KCNQ5: variants seen among roughly 807,000 people sequenced by gnomAD.
The protein encoded by KCNQ5 is potassium voltage-gated channel subfamily Q member 5, also known as potassium voltage-gated channel subfamily KQT member 5.
Under a neutral mutation model 98.2 loss-of-function variants are expected in KCNQ5, and 30 were observed. The observed-to-expected ratio is 0.31, with a 90% CI of 0.23 to 0.41. KCNQ5 has a LOEUF of 0.41. Ranked by LOEUF, KCNQ5 falls within the 10% of genes least tolerant of loss-of-function variation. KCNQ5 has a pLI of 1.00. For synonymous variants in KCNQ5, 458 were observed against 449.4 expected (o/e 1.02, Z -0.24); for missense variants, 835 against 1,182.5 (o/e 0.71, Z 4.31).
At chr6:73,130,927 G>A (rs1562196847) in intron 9 of KCNQ5, among the ~76,000 whole-genome samples, 1 of 152,142 alleles carries the variant, frequency 6.6e-6, no homozygotes, top group Non-Finnish European at 1.5e-5. Context: ...CATGTAATAT[G>A]CCGAGTTTAT....
intron 3 of KCNQ5, among the ~76,000 whole-genome samples, chr6:73,059,017 G>A (rs1772656804): frequency 6.6e-6 from 1 of 152,138 alleles, no homozygotes; most frequent in African/African-American, 2.4e-5. Flanking sequence ...ATTTCTCAAA[G>A]AACTCAAAAT....
intron 1 of KCNQ5, among the ~76,000 whole-genome samples, chr6:72,684,026 C>A (rs1767831879): frequency 2.0e-5 from 3 of 152,186 alleles, no homozygotes. Context: ...TATCAACACA[C>A]AGGTCTTTTG....
chr6:72,757,202 TG>T (rs1356364154), intron 1 of KCNQ5, among the ~76,000 whole-genome samples: 2 of 152,192 alleles, frequency 1.3e-5, no homozygotes, highest in Non-Finnish European at 2.9e-5. Flanking sequence ...TGTGCTCATA[TG>T]TTAGACCTTT....
intron 2 of KCNQ5, among the ~76,000 whole-genome samples, chr6:73,005,919 A>G (rs747935702): frequency 3.3e-5 from 5 of 152,220 alleles, no homozygotes; most frequent in Non-Finnish European, 7.3e-5. Context: ...ACCTAGAAAT[A>G]TGCAGACTGC....
chr6:73,128,347 T>C (rs1776079973), intron 9 of KCNQ5, among the ~76,000 whole-genome samples: 1 of 152,216 alleles, frequency 6.6e-6, no homozygotes, highest in Non-Finnish European at 1.5e-5. Context: ...TTGATTTCAT[T>C]CTATTAAAAA....
rs187328350 is a variant in KCNQ5 at position 72,928,989 on chromosome 6, G to C, written c.399-74919G>C. ...AGACTCACAAAGCATCCTAAGGCTA[G>C]CTCCAATTCCTTAAGTCATGCGTAT... On this transcript the variant is annotated intron_variant, in intron 1 of 13. Transcript: ENST00000370398. 7.2e-5 allele frequency among the ~76,000 whole-genome samples: 11 copies of C among 152,200 alleles called. No homozygotes were observed. The East Asian group carries it at 2.1e-3, about 29-fold the overall frequency.
chr6:73,035,088 A>G (rs1158709553), intron 2 of KCNQ5, among the ~76,000 whole-genome samples: 2 of 151,792 alleles, frequency 1.3e-5, no homozygotes, highest in Admixed American at 6.6e-5. Flanking sequence ...CTCGTGACCC[A>G]CCCGCCTCGG....
rs532894679 is a variant in KCNQ5 at position 72,792,998 on chromosome 6, T to C, written c.398+170411T>C. ...TAGAATTACCCACCTCCTGGGAGAG[T>C]TTTTTTATGGGTGAGACATTTTCAG... On this transcript the variant is annotated intron_variant, in intron 1 of 13. Transcript: ENST00000370398. Among the ~76,000 whole-genome samples, 5 of 151,954 alleles carry C rather than the reference T, an allele frequency of 3.3e-5. No homozygotes were observed. In the South Asian group the frequency reaches 1.0e-3, roughly 32 times the overall value.
chr6:73,051,720 A>C (rs953900062), intron 3 of KCNQ5, among the ~76,000 whole-genome samples: 3 of 147,124 alleles, frequency 2.0e-5, no homozygotes, highest in African/African-American at 5.2e-5. Flanking sequence ...AAAAAAAAAA[A>C]AAAAAAAAAA....
Position 72,622,960 on chromosome 6 carries a change from A to T in KCNQ5, c.398+373A>T, listed in dbSNP as rs1342450219. Among the ~76,000 whole-genome samples the T allele has an allele frequency of 6.6e-6, 1 of 152,068 alleles. No homozygotes were observed. Among genetic ancestry groups the T allele is most frequent in the African/African-American group, 2.4e-5 (1 of 41,414 alleles). On this transcript the variant is annotated intron_variant, in intron 1 of 13. Transcript: ENST00000370398. The surrounding 1 kb of genome is among the most constrained non-coding windows in gnomAD (Gnocchi z 6.0). ...GAGCTAGGGAATGCAAAGGGAGGAC[A>T]GGCGCCCGTGTGAGGCTTGAGAGTA...
chr6:72,995,197 C>T lies in KCNQ5; in HGVS notation c.399-8711C>T, dbSNP rs369245411. 1.0e-3 allele frequency among the ~76,000 whole-genome samples: 154 copies of T among 152,026 alleles called. 2 individuals carry two copies. In the South Asian group the frequency reaches 0.026, roughly 25 times the overall value. On this transcript the variant is annotated intron_variant, in intron 1 of 13. Transcript: ENST00000370398. Reference sequence around the variant, plus strand: ...CAGCCTGACCAACATGGTGAAGCCCCATCTCTACTAAAAATGCAAAATTAG... The same window carrying T: ...CAGCCTGACCAACATGGTGAAGCCCTATCTCTACTAAAAATGCAAAATTAG...
chr6:73,114,568 C>A (rs1775404400), intron 7 of KCNQ5, among the ~76,000 whole-genome samples: 1 of 152,130 alleles, frequency 6.6e-6, no homozygotes, highest in East Asian at 1.9e-4. Context: ...TGAATACCTG[C>A]CCAAATGTCA....
intron 1 of KCNQ5, among the ~76,000 whole-genome samples, chr6:72,784,925 G>A (rs1249323105): frequency 6.6e-6 from 1 of 152,124 alleles, no homozygotes; most frequent in Non-Finnish European, 1.5e-5. Context: ...TATGAGTCAA[G>A]CCCAAATTAT....
chr6:72,896,456 G>A (rs1246139943), intron 1 of KCNQ5, among the ~76,000 whole-genome samples: 2 of 152,034 alleles, frequency 1.3e-5, no homozygotes, highest in East Asian at 3.9e-4. Flanking sequence ...CCTACTTGTA[G>A]TGGGTCTCGA....
chr6:72,662,792 A>T (rs960783372), intron 1 of KCNQ5, among the ~76,000 whole-genome samples: 2 of 152,154 alleles, frequency 1.3e-5, no homozygotes, highest in South Asian at 4.1e-4. Flanking sequence ...TAAGAGAAAA[A>T]CAAGGCTATT....
chr6:72,861,386 G>T (rs1217322924), intron 1 of KCNQ5, among the ~76,000 whole-genome samples: 1 of 152,102 alleles, frequency 6.6e-6, no homozygotes, highest in African/African-American at 2.4e-5. Flanking sequence ...AGACCAGTGT[G>T]GTGTGTATGG....
At position 72,747,362 on chromosome 6, in the gene KCNQ5, T is replaced by C. The variant is rs1034314486; in HGVS notation, c.398+124775T>C. On this transcript the variant is annotated intron_variant, in intron 1 of 13. Transcript: ENST00000370398. ...ATAACTATTTCTATATACTCATTTT[T>C]CCTTGGAATATTTTTATTTTATGCA... is the stretch of plus-strand genomic sequence containing the variant. 5.9e-5 allele frequency among the ~76,000 whole-genome samples: 9 copies of C among 152,216 alleles called. No individual in the cohort carries two copies. In the South Asian group the frequency reaches 6.2e-4, roughly 11 times the overall value.
chr6:73,100,108 G>C (rs1339719252), intron 5 of KCNQ5, among the ~76,000 whole-genome samples: 1 of 152,168 alleles, frequency 6.6e-6, no homozygotes, highest in Non-Finnish European at 1.5e-5. Flanking sequence ...GGTCAATGAA[G>C]AGATTAAGAA....
intron 1 of KCNQ5, among the ~76,000 whole-genome samples, chr6:72,690,112 A>C (rs542690676): frequency 2.6e-4 from 40 of 152,254 alleles, no homozygotes; most frequent in African/African-American, 9.6e-4. Flanking sequence ...GTCTCTACTA[A>C]AAATATAAAA....
Sources: allele counts gnomAD v4.1 joint callset (sites outside exome capture counted in the v4.1 genomes callset), GRCh38; gene constraint gnomAD v4.1.1; non-coding constraint Gnocchi (gnomAD v3.1); transcripts MANE v1.5; gene names NCBI Gene and HGNC (gene_info 2026-07-23, HGNC 2026-07-21).